Variants in DPP10 observed in about 807,000 individuals in gnomAD.
DPP10 encodes inactive dipeptidyl peptidase 10.
Under a neutral mutation model 120.9 loss-of-function variants are expected in DPP10, and 33 were observed. The ratio of observed to expected loss-of-function variants is 0.27; its 90% CI spans 0.21 to 0.37. The LOEUF is 0.37. Ranked by LOEUF, DPP10 falls within the 10% of genes least tolerant of loss-of-function variation. The probability of loss-of-function intolerance (pLI) is 1.00; values close to 1 mark genes in which losing one functional copy is unlikely to be tolerated. For synonymous variants in DPP10, 337 were observed against 326.1 expected (o/e 1.03, Z -0.36); for missense variants, 816 against 942.8 (o/e 0.87, Z 1.76).
At chr2:115,579,363 G>T (rs577933659) in intron 5 of DPP10, 20 of 152,206 alleles carry the variant, frequency 1.3e-4, no homozygotes, top group African/African-American at 4.8e-4. Context: ...AACCTACTTC[G>T]TGCCAAGGAC....
intron 3 of DPP10, among the ~76,000 whole-genome samples, chr2:115,443,219 GCA>G (rs1230247633): frequency 2.0e-5 from 3 of 152,116 alleles, no homozygotes; most frequent in Non-Finnish European, 2.9e-5. Flanking sequence ...CACGATTTGA[GCA>G]CAGTTTTGTT....
At chr2:114,903,192 T>C (rs1693716885) in intron 1 of DPP10, among the ~76,000 whole-genome samples, 1 of 152,202 alleles carries the variant, frequency 6.6e-6, no homozygotes, top group Non-Finnish European at 1.5e-5. Flanking sequence ...GATTTATCCA[T>C]TTACCTACTG....
At chr2:115,712,200 G>A (rs1355094808) in intron 7 of DPP10, among the ~76,000 whole-genome samples, 5 of 150,948 alleles carry the variant, frequency 3.3e-5, no homozygotes, top group African/African-American at 9.8e-5. Context: ...AGTCCCATCT[G>A]GGGTAATGGG....
intron 1 of DPP10, among the ~76,000 whole-genome samples, chr2:114,892,966 T>C (rs1463058929): frequency 1.3e-5 from 2 of 152,218 alleles, no homozygotes; most frequent in African/African-American, 2.4e-5. Flanking sequence ...CTAAAACCAA[T>C]GCTCATTTGA....
At chr2:115,599,286 T>A (rs1216514004) in intron 5 of DPP10, among the ~76,000 whole-genome samples, 1 of 152,140 alleles carries the variant, frequency 6.6e-6, no homozygotes, top group Non-Finnish European at 1.5e-5. Context: ...TCTCTCCCCT[T>A]CTGGGACTCA....
intron 1 of DPP10, among the ~76,000 whole-genome samples, chr2:115,249,995 G>A (rs908346374): frequency 6.6e-6 from 1 of 152,148 alleles, no homozygotes; most frequent in African/African-American, 2.4e-5. Flanking sequence ...AACACTGAAA[G>A]GATGACAGAA....
At chr2:114,921,703 A>T (rs983087107) in intron 1 of DPP10, among the ~76,000 whole-genome samples, 2 of 152,190 alleles carry the variant, frequency 1.3e-5, no homozygotes, top group Non-Finnish European at 2.9e-5. Flanking sequence ...TTATTGAATT[A>T]CTTGTTATTA....
chr2:115,600,122 G>C (rs1235475470), intron 5 of DPP10, among the ~76,000 whole-genome samples: 2 of 151,980 alleles, frequency 1.3e-5, no homozygotes, highest in Non-Finnish European at 2.9e-5. Flanking sequence ...CACTGCAGCA[G>C]CAGCTATCTT....
intron 1 of DPP10, among the ~76,000 whole-genome samples, chr2:115,084,892 A>AT (rs1254738158): frequency 6.6e-6 from 1 of 152,208 alleles, no homozygotes; most frequent in Non-Finnish European, 1.5e-5. Flanking sequence ...AGAAAAATGC[A>AT]TTAGCATTTC....
At position 115,836,142 on chromosome 2, in the gene DPP10, A is replaced by ATT. The variant is rs67145089; in HGVS notation, c.1951-11_1951-10dup. ...GAGATATATATATATATATATATAT[A>ATT]TTTTTCCCCCCCAGGGTTATGGTGG... On this transcript the variant is annotated splice_polypyrimidine_tract_variant and intron_variant, in intron 21 of 25. Transcript: ENST00000410059. The ATT allele has an allele frequency of 1.4e-5, 17 of 1,255,214 alleles. No individual in the cohort carries two copies. The highest frequency in any genetic ancestry group is 2.6e-5 in the East Asian group (1 of 38,664). The allele number at this position is 1,255,214 out of a possible 1,614,324, so 77.8% of individuals were successfully genotyped here. A position where few individuals can be genotyped will look rare whatever the true frequency, so the allele number is the denominator to read the frequency against.
intron 1 of DPP10, among the ~76,000 whole-genome samples, chr2:114,591,308 G>A (rs1691440416): frequency 6.6e-6 from 1 of 152,214 alleles, no homozygotes; most frequent in African/African-American, 2.4e-5. Flanking sequence ...TTGAAGCAAT[G>A]ACTCTAGCAG....
chr2:114,715,799 G>A (rs1019580594), intron 1 of DPP10, among the ~76,000 whole-genome samples: 2 of 151,792 alleles, frequency 1.3e-5, no homozygotes, highest in African/African-American at 4.8e-5. Context: ...TTGATTAATG[G>A]ATGACTATTA....
chr2:115,402,141 C>T (rs1440647708), intron 3 of DPP10, among the ~76,000 whole-genome samples: 2 of 152,160 alleles, frequency 1.3e-5, no homozygotes, highest in Non-Finnish European at 2.9e-5. Flanking sequence ...TGTTTCACCT[C>T]GTTGCCCTTT....
intron 24 of DPP10, among the ~76,000 whole-genome samples, chr2:115,839,371 C>T (rs1004358374): frequency 4.2e-4 from 64 of 152,120 alleles, no homozygotes; most frequent in South Asian, 4.2e-4. Context: ...AATTTTGCAA[C>T]GACAATTAAA....
intron 1 of DPP10, among the ~76,000 whole-genome samples, chr2:115,082,270 A>C (rs1708335326): frequency 6.6e-6 from 1 of 152,100 alleles, no homozygotes; most frequent in African/African-American, 2.4e-5. Context: ...TTTGTGAGCC[A>C]AGGGGAGGTT....
chr2:115,736,229 CT>C (rs1397251147), intron 8 of DPP10, among the ~76,000 whole-genome samples: 1 of 152,128 alleles, frequency 6.6e-6, no homozygotes, highest in Non-Finnish European at 1.5e-5. Flanking sequence ...AAAGATAACA[CT>C]ACTACTTCTA....
chr2:114,926,840 G>A (rs1490759994), intron 1 of DPP10, among the ~76,000 whole-genome samples: 1 of 142,372 alleles, frequency 7.0e-6, no homozygotes, highest in Non-Finnish European at 1.5e-5. Flanking sequence ...TGAGCTTGGG[G>A]GAAGATACAA....
At chr2:114,990,704 G>A (rs553247239) in intron 1 of DPP10, among the ~76,000 whole-genome samples, 6 of 151,718 alleles carry the variant, frequency 4.0e-5, no homozygotes, top group Non-Finnish European at 5.9e-5. Context: ...GCTTTCTATC[G>A]TGGTGTCTTT....
At chr2:114,529,109 G>T (rs1039723378) in intron 1 of DPP10, among the ~76,000 whole-genome samples, 1 of 152,040 alleles carries the variant, frequency 6.6e-6, no homozygotes, top group Non-Finnish European at 1.5e-5. Context: ...TCTTCTGGTT[G>T]CTACTGCCCC....
Sources: gnomAD v4.1 joint callset for allele counts (sites outside exome capture counted in the v4.1 genomes callset) on GRCh38, gnomAD v4.1.1 for gene constraint, MANE v1.5 for transcripts, NCBI Gene and HGNC (gene_info 2026-07-23, HGNC 2026-07-21) for gene names.